The following ZKSCAN3 variants were observed in gnomAD, a reference collection of about 807,000 sequenced individuals.
ZKSCAN3 encodes the protein zinc finger with KRAB and SCAN domains 3.
A neutral mutation model predicts 30.7 loss-of-function variants in ZKSCAN3; 21 were observed. The ratio of observed to expected loss-of-function variants is 0.68; its 90% confidence interval spans 0.49 to 0.99. ZKSCAN3 has a LOEUF of 0.99. Among genes scored for constraint, ZKSCAN3 ranks in the 50% least tolerant of loss-of-function variants. The probability of loss-of-function intolerance (pLI) is 0.00; values close to 1 mark genes in which losing one functional copy is unlikely to be tolerated. For missense variants in ZKSCAN3, 507 were observed against 647.1 expected, an observed-to-expected ratio of 0.78 and a Z score of 2.35; for synonymous variants, 201 against 246.7, an observed-to-expected ratio of 0.81 and a Z score of 1.73.
intron 1 of ZKSCAN3, chr6:28,353,712 T>C (rs886620882): frequency 2.5e-6 from 1 of 406,518 alleles, no homozygotes; most frequent in African/African-American, 2.1e-5. Context: ...AAATAGAAGT[T>C]AAAACCTTGC....
chr6:28,360,466 A>G, intron 2 of ZKSCAN3: 2 of 586,146 alleles, frequency 3.4e-6, no homozygotes, highest in Non-Finnish European at 4.3e-6. Context: ...TCTCTTAAAG[A>G]CTAGTTAAAA....
Position 28,352,951 on chromosome 6 carries a change from T to C in ZKSCAN3, c.-63+2884T>C, listed in dbSNP as rs1045010129. Reference sequence around the variant, plus strand: ...AACCTCTACCAGCCTTACATTTCTTTTCTTTTCTTTTTCTTTTTTTTTTTT... The same window carrying C: ...AACCTCTACCAGCCTTACATTTCTTCTCTTTTCTTTTTCTTTTTTTTTTTT... On this transcript the variant is annotated intron_variant, in intron 1 of 5. Transcript: ENST00000252211. Among the ~76,000 whole-genome samples the C allele has an allele frequency of 3.4e-5, 5 of 146,068 alleles. No individual in the cohort carries two copies. The Admixed American group carries it at 3.4e-4, about 10-fold the overall frequency.
At chr6:28,360,376 A>G (rs925504809) in intron 2 of ZKSCAN3, 7 of 186,654 alleles carry the variant, frequency 3.8e-5, no homozygotes, top group Non-Finnish European at 7.0e-5. Flanking sequence ...TGCAGGTTCT[A>G]TTGGTGACAA....
chr6:28,360,623 A>G (rs1765713995), intron 2 of ZKSCAN3: 2 of 985,254 alleles, frequency 2.0e-6, no homozygotes, highest in Non-Finnish European at 2.4e-6. Flanking sequence ...TCTTTGCATC[A>G]TCCTGTGTCC....
At chr6:28,357,208 G>C (rs1432851065) in intron 1 of ZKSCAN3, among the ~76,000 whole-genome samples, 1 of 152,156 alleles carries the variant, frequency 6.6e-6, no homozygotes, top group Admixed American at 6.5e-5. Context: ...TGTTTACCTC[G>C]GCCTATGCCT....
intron 5 of ZKSCAN3, among the ~76,000 whole-genome samples, chr6:28,365,006 G>A (rs1372677077): frequency 6.6e-6 from 1 of 152,170 alleles, no homozygotes; most frequent in Non-Finnish European, 1.5e-5. Context: ...TTTCTCAAAG[G>A]TATTTCAGAA....
At chr6:28,363,194 C>T in intron 3 of ZKSCAN3, 109 bp from the exon 4 acceptor site, 1 of 968,172 alleles carries the variant, frequency 1.0e-6, no homozygotes, top group South Asian at 1.6e-5. Context: ...CTCCTGGGCT[C>T]AATCAAGTGA....
chr6:28,363,489 C>T (rs1415672236), intron 4 of ZKSCAN3, 104 bp downstream of exon 4: 1 of 1,296,214 alleles, frequency 7.7e-7, no homozygotes, highest in African/African-American at 1.5e-5. Context: ...CTAGATCCTC[C>T]ATACAGATCT....
chr6:28,363,500 C>T lies in ZKSCAN3; in HGVS notation c.633+115C>T. The T allele has an allele frequency of 3.1e-6, 4 of 1,282,322 alleles. No homozygotes were observed. In the South Asian group the frequency reaches 5.6e-5, roughly 18 times the overall value. The allele number at this position is 1,282,322 out of a possible 1,614,324, so 79.4% of individuals were successfully genotyped here. ...AATCCTAGATCCTCCATACAGATCT[C>T]AAATGGGATCTGCATTTTCTCATCT... On this transcript the variant is annotated intron_variant, in intron 4 of 5. Transcript: ENST00000252211.
intron 3 of ZKSCAN3, 116 bp downstream of exon 3, chr6:28,361,587 A>C: frequency 8.5e-7 from 1 of 1,181,190 alleles, no homozygotes; most frequent in Non-Finnish European, 1.2e-6. Context: ...ATCAACTCTC[A>C]TTTAAGACTG....
chr6:28,359,473 A>G, intron 1 of ZKSCAN3, 52 bp from the exon 2 acceptor site: 1 of 1,340,518 alleles, frequency 7.5e-7, no homozygotes, highest in Non-Finnish European at 1.0e-6. Context: ...TGGGCAGGAG[A>G]GAAGGGACTA....
At chr6:28,365,296 T>G in intron 5 of ZKSCAN3, 130 bp from the exon 6 acceptor site, 1 of 1,323,508 alleles carries the variant, frequency 7.6e-7, no homozygotes, top group Non-Finnish European at 1.0e-6. Context: ...TTTATTCCCA[T>G]CCTTATTCTA....
chr6:28,354,567 G>GTATACAGGCTGATACACAC (rs1765296608), intron 1 of ZKSCAN3, among the ~76,000 whole-genome samples: 1 of 152,150 alleles, frequency 6.6e-6, no homozygotes, highest in Non-Finnish European at 1.5e-5. Flanking sequence ...TGTATACATA[G>GTATACAGGCTGATACACAC]AGGCTTGACA....
intron 3 of ZKSCAN3, among the ~76,000 whole-genome samples, chr6:28,362,894 G>T (rs890491286): frequency 6.6e-6 from 1 of 152,130 alleles, no homozygotes; most frequent in African/African-American, 2.4e-5. Context: ...CCTATCTCTA[G>T]CAAAATTCAA....
intron 1 of ZKSCAN3, chr6:28,354,164 T>C: frequency 5.7e-6 from 2 of 353,630 alleles, no homozygotes; most frequent in Non-Finnish European, 1.1e-5. Context: ...AGTTCTCTCT[T>C]ACAGGGTCAG....
rs1431498119 is a variant in ZKSCAN3, at chr6:28,359,581, C to T, written c.-6C>T. The T allele has an allele frequency of 6.2e-7, 1 of 1,613,014 alleles. No homozygotes were observed. On this transcript the variant is annotated 5_prime_UTR_variant, in exon 2 of 6. Transcript: ENST00000252211. ...GAGTGAGGCCTGAGTACTGCCTTGG[C>T]CTAGGATGGCTAGAGAATTAAGTGA...
chr6:28,351,669 C>T lies in ZKSCAN3; in HGVS notation c.-63+1602C>T, dbSNP rs561595255. The stretch of plus-strand genomic sequence containing the variant: ...TTGTCTCCCTCCTTCCCTTTTACTT[C>T]CTCCCTCTTTCCCTCTCTCCTTTCT... On this transcript the variant is annotated intron_variant, in intron 1 of 5. Transcript: ENST00000252211. The surrounding 1 kb of genome is among the most constrained non-coding windows in gnomAD (Gnocchi z 4.6). 2.0e-5 allele frequency among the ~76,000 whole-genome samples: 3 copies of T among 151,438 alleles called. No individual in the cohort carries two copies. The highest frequency in any genetic ancestry group is 4.4e-5 in the Non-Finnish European group (3 of 67,826).
Position 28,359,994 on chromosome 6 carries a change from A to C in ZKSCAN3, c.402+6A>C, listed in dbSNP as rs1221472250. Reference sequence around the variant, plus strand: ...TGGATGAGCCGGCGCCGCAGGTAGAAAGAACAGGTTTAGTATCTGAGCGCT... The same window carrying C: ...TGGATGAGCCGGCGCCGCAGGTAGACAGAACAGGTTTAGTATCTGAGCGCT... On this transcript the variant is annotated splice_donor_region_variant and intron_variant, in intron 2 of 5. Coordinates refer to ENST00000252211, the MANE Select transcript of ZKSCAN3 (RefSeq NM_024493.4). 6.2e-7 allele frequency: 1 copy of C among 1,614,110 alleles called. No homozygotes were observed. The highest frequency in any genetic ancestry group is 1.1e-5 in the South Asian group (1 of 91,086).
In ZKSCAN3 at chr6:28,366,212, A is replaced by G. The variant is rs991104256; in HGVS notation, c.1544A>G (p.Lys515Arg). The G allele has an allele frequency of 2.6e-5, 41 of 1,579,144 alleles. No individual in the cohort carries two copies. The highest frequency in any genetic ancestry group is 4.1e-5 in the African/African-American group (3 of 73,000). Residue 515 changes from lysine (K) to arginine (R), a missense_variant, in exon 6 of 6, where the codon AAA becomes AGA. Lys to Arg is a conservative substitution (Grantham distance 26). Transcript: ENST00000252211. ...EKPYQCNACGKGFTRISYLVQ... is the reference protein window; with the variant it reads ...EKPYQCNACGRGFTRISYLVQ... Reference sequence around the variant, plus strand: ...CCCTATCAGTGTAATGCGTGTGGAAAAGGCTTCACCCGAATTTCATACCTT... The same window carrying G: ...CCCTATCAGTGTAATGCGTGTGGAAGAGGCTTCACCCGAATTTCATACCTT...
Sources: allele counts gnomAD v4.1 joint callset (sites outside exome capture counted in the v4.1 genomes callset), GRCh38; gene constraint gnomAD v4.1.1; non-coding constraint Gnocchi (gnomAD v3.1); transcripts MANE v1.5; gene names NCBI Gene and HGNC (gene_info 2026-07-23, HGNC 2026-07-21).